The following MEIS2 variants were observed in gnomAD, a reference collection of about 807,000 sequenced individuals.
The protein encoded by MEIS2 is homeobox protein Meis2.
Under a neutral mutation model 58.6 loss-of-function variants are expected in MEIS2, and 9 were observed. The ratio of observed to expected loss-of-function variants is 0.15; its 90% confidence interval spans 0.09 to 0.27. MEIS2 has a LOEUF of 0.27. MEIS2 is among the 10% of genes least tolerant of loss of function. MEIS2 has a pLI of 1.00. For synonymous variants in MEIS2, 221 were observed against 228.4 expected (o/e 0.97, Z 0.29); for missense variants, 427 against 635.0 (o/e 0.67, Z 3.52).
At chr15:36,976,218 GGGATTACAGGC>G (rs2141486480) in intron 8 of MEIS2, among the ~76,000 whole-genome samples, 1 of 151,914 alleles carries the variant, frequency 6.6e-6, no homozygotes, top group East Asian at 1.9e-4. Context: ...CCACATAGCT[GGGATTACAGGC>G]GGCCACCACC....
intron 9 of MEIS2, among the ~76,000 whole-genome samples, chr15:36,908,992 T>C (rs550988629): frequency 1.4e-4 from 22 of 152,250 alleles, no homozygotes; most frequent in Non-Finnish European, 5.9e-5. Flanking sequence ...AACCTTAATT[T>C]AGTACTTGGT....
chr15:37,078,624 A>AG lies in MEIS2; in HGVS notation c.754+5146_754+5147insC, dbSNP rs1567268125. On this transcript the variant is annotated intron_variant, in intron 7 of 11. Coordinates refer to ENST00000561208, the MANE Select transcript of MEIS2 (RefSeq NM_170675.5). ...AACAACCAAAAAAAAAAAAAAAAAAAAAAAAAAACACCAAAAAAGAAAACT... is the reference window on the plus strand; with the variant it reads ...AACAACCAAAAAAAAAAAAAAAAAAAGAAAAAAAACACCAAAAAAGAAAACT... Among the ~76,000 whole-genome samples, 3 of 150,146 alleles carry AG rather than the reference A, an allele frequency of 2.0e-5. 1 individual carries two copies. The highest frequency in any genetic ancestry group is 7.3e-5 in the African/African-American group (3 of 41,210).
chr15:36,981,943 C>T (rs1248375443), intron 8 of MEIS2, among the ~76,000 whole-genome samples: 2 of 152,108 alleles, frequency 1.3e-5, no homozygotes, highest in Non-Finnish European at 2.9e-5. Context: ...ACCAATCCCC[C>T]AAAACCCCCA....
chr15:37,041,275 A>G (rs1433912139), intron 7 of MEIS2, among the ~76,000 whole-genome samples: 1 of 152,186 alleles, frequency 6.6e-6, no homozygotes, highest in East Asian at 1.9e-4. Flanking sequence ...GGCCCTGTTA[A>G]TCATCCCTGC....
chr15:37,023,778 T>A (rs1178540976), intron 8 of MEIS2, among the ~76,000 whole-genome samples: 1 of 152,158 alleles, frequency 6.6e-6, no homozygotes, highest in African/African-American at 2.4e-5. Context: ...TCGCCACAGT[T>A]CCTAGTCATA....
chr15:37,095,168 C>A (rs1894061278), intron 4 of MEIS2: 1 of 201,104 alleles, frequency 5.0e-6, no homozygotes, highest in Non-Finnish European at 1.0e-5. Context: ...CACCGCCCCC[C>A]AGCCCCCACC....
At chr15:37,085,111 C>G (rs1039167124) in intron 6 of MEIS2, among the ~76,000 whole-genome samples, 2 of 151,954 alleles carry the variant, frequency 1.3e-5, no homozygotes, top group African/African-American at 4.8e-5. Context: ...ATACACCAAT[C>G]GAAGTATACA....
rs543650692 is a variant in MEIS2, at chr15:37,054,846, G to A, written c.755-17887C>T. Among the ~76,000 whole-genome samples, 24 of 152,270 alleles carry A rather than the reference G, an allele frequency of 1.6e-4. No homozygotes were observed. In the South Asian group the frequency reaches 2.7e-3, roughly 17 times the overall value. On this transcript the variant is annotated intron_variant, in intron 7 of 11. Transcript: ENST00000561208. Reference sequence around the variant, plus strand: ...TAATTAGCATTGAGAAATGATTAGCGTACATTCTATTATATGCCGCTAGAG... The same window carrying A: ...TAATTAGCATTGAGAAATGATTAGCATACATTCTATTATATGCCGCTAGAG...
At chr15:36,998,779 G>A (rs928308569) in intron 8 of MEIS2, among the ~76,000 whole-genome samples, 9 of 152,190 alleles carry the variant, frequency 5.9e-5, no homozygotes, top group Non-Finnish European at 7.4e-5. Context: ...TCCGTATTAC[G>A]CCAAACGTTT....
intron 8 of MEIS2, among the ~76,000 whole-genome samples, chr15:36,990,384 G>T (rs1028757144): frequency 6.6e-6 from 1 of 151,854 alleles, no homozygotes; most frequent in Non-Finnish European, 1.5e-5. Context: ...TATTAAATCA[G>T]CCAATAGAGC....
intron 7 of MEIS2, among the ~76,000 whole-genome samples, chr15:37,079,145 G>A (rs1290299563): frequency 1.3e-5 from 2 of 151,966 alleles, no homozygotes; most frequent in Admixed American, 1.3e-4. Context: ...AAAAGAGAAA[G>A]AAAATGCAAT....
intron 8 of MEIS2, among the ~76,000 whole-genome samples, chr15:37,029,841 A>G (rs897886275): frequency 1.3e-5 from 2 of 152,174 alleles, no homozygotes; most frequent in Non-Finnish European, 2.9e-5. Flanking sequence ...AAGGCTTCCA[A>G]GTTCACAGCT....
chr15:37,052,786 T>C (rs1306952662), intron 7 of MEIS2, among the ~76,000 whole-genome samples: 2 of 152,204 alleles, frequency 1.3e-5, no homozygotes, highest in African/African-American at 4.8e-5. Context: ...ATTTGCTTTA[T>C]AAAAATATCT....
In MEIS2 at chr15:37,098,039, G is replaced by A; in HGVS notation, c.173C>T (p.Pro58Leu). 1 of 1,613,238 alleles carries A rather than the reference G, an allele frequency of 6.2e-7. No homozygotes were observed. The change falls in exon 2 of 12, where the codon CCC becomes CTC. Residue 58 changes from proline to leucine, a missense_variant. Physicochemically the swap from Pro to Leu is moderately conservative, Grantham distance 98. Transcript: ENST00000561208. The stretch of plus-strand genomic sequence containing the variant: ...TCCCATACTGGCCGGCATGACATTG[G>A]GGTGCGGGGCGTGCGCGCCGTAGTG... ...TQHYGAHAPH[P>L]NVMPASMGSA...
chr15:37,017,273 C>T (rs570531339), intron 8 of MEIS2, among the ~76,000 whole-genome samples: 15 of 152,216 alleles, frequency 9.9e-5, no homozygotes, highest in Non-Finnish European at 2.1e-4. Flanking sequence ...GTAAAGGAGA[C>T]GAAATGGCTA....
chr15:36,952,607 C>CTCTCTCTGTGTG (rs1490440825), intron 8 of MEIS2, among the ~76,000 whole-genome samples: 5 of 139,994 alleles, frequency 3.6e-5, no homozygotes, highest in African/African-American at 1.1e-4. Flanking sequence ...GTCTCTCTCT[C>CTCTCTCTGTGTG]TGTGTGTGTG....
intron 8 of MEIS2, among the ~76,000 whole-genome samples, chr15:36,955,519 C>T (rs576295622): frequency 1.3e-5 from 2 of 152,200 alleles, no homozygotes; most frequent in South Asian, 2.1e-4. Context: ...GTGCTTGGGA[C>T]GCAGTCTCTG....
At chr15:37,073,354 G>T (rs1444068858) in intron 7 of MEIS2, among the ~76,000 whole-genome samples, 1 of 151,892 alleles carries the variant, frequency 6.6e-6, no homozygotes, top group Admixed American at 6.6e-5. Context: ...CCTGCCATGT[G>T]TAAGAGTTAC....
chr15:36,910,817 C>T (rs1276214515), intron 9 of MEIS2, among the ~76,000 whole-genome samples: 5 of 152,198 alleles, frequency 3.3e-5, no homozygotes, highest in South Asian at 2.1e-4. Context: ...GAGGCCTAGG[C>T]GGGCGGATCA....
Sources: gnomAD v4.1 joint callset for allele counts (sites outside exome capture counted in the v4.1 genomes callset) on GRCh38, gnomAD v4.1.1 for gene constraint, MANE v1.5 for transcripts, NCBI Gene and HGNC (gene_info 2026-07-23, HGNC 2026-07-21) for gene names.